Variants in CDH19 observed in about 807,000 individuals in gnomAD.
CDH19 encodes cadherin-19.
Under a neutral mutation model 64.2 loss-of-function variants are expected in CDH19, and 67 were observed. The ratio of observed to expected loss-of-function variants is 1.04; its 90% CI spans 0.86 to 1.28. The LOEUF (loss-of-function observed/expected upper bound fraction) is 1.28. Among genes scored for constraint, CDH19 ranks in the 50% most tolerant of loss-of-function variants. The pLI, the probability that CDH19 is intolerant of heterozygous loss-of-function variation, is 0.00. For synonymous variants in CDH19, 346 were observed against 319.3 expected (o/e 1.08, Z -0.89); for missense variants, 1,030 against 929.0 (o/e 1.11, Z -1.41).
At chr18:66,539,752 A>C (rs1367710180) in intron 7 of CDH19, among the ~76,000 whole-genome samples, 2 of 151,960 alleles carry the variant, frequency 1.3e-5, no homozygotes, top group East Asian at 1.9e-4. Flanking sequence ...AGGATATATC[A>C]GTGGCATCAA....
At chr18:66,573,703 A>C (rs1439601904) in intron 1 of CDH19, among the ~76,000 whole-genome samples, 1 of 151,574 alleles carries the variant, frequency 6.6e-6, no homozygotes, top group Non-Finnish European at 1.5e-5. Flanking sequence ...AGTGAATATA[A>C]TTTTTGGGAA....
chr18:66,535,916 TAA>T (rs1347968136), intron 7 of CDH19, among the ~76,000 whole-genome samples: 13 of 147,204 alleles, frequency 8.8e-5, no homozygotes, highest in African/African-American at 2.9e-4. Context: ...TTTTTACATA[TAA>T]TATATATGTT....
intron 9 of CDH19, among the ~76,000 whole-genome samples, chr18:66,521,783 G>T (rs999607846): frequency 2.0e-5 from 3 of 151,826 alleles, no homozygotes; most frequent in Non-Finnish European, 4.4e-5. Flanking sequence ...TCCTGGACTT[G>T]AGTGCTGCTC....
chr18:66,531,820 T>G (rs1178479560), intron 8 of CDH19, among the ~76,000 whole-genome samples: 1 of 152,088 alleles, frequency 6.6e-6, no homozygotes, highest in Admixed American at 6.6e-5. Context: ...ATAAATTACA[T>G]GAAGCAATTA....
At chr18:66,602,757 T>C (rs1378778408) in intron 1 of CDH19, among the ~76,000 whole-genome samples, 1 of 146,412 alleles carries the variant, frequency 6.8e-6, no homozygotes, top group Non-Finnish European at 1.5e-5. Flanking sequence ...TGACATAAAT[T>C]GATTGTTTAA....
intron 5 of CDH19, among the ~76,000 whole-genome samples, chr18:66,550,804 C>T (rs1045490094): frequency 9.2e-5 from 14 of 152,044 alleles, no homozygotes; most frequent in African/African-American, 3.4e-4. Flanking sequence ...GCAAGAAATG[C>T]CTCCCTGAAT....
chr18:66,580,100 C>A (rs76734654), intron 1 of CDH19, among the ~76,000 whole-genome samples: 2,687 of 152,002 alleles, frequency 0.018, 73 homozygotes, highest in African/African-American at 0.062. Flanking sequence ...CAAAAATATA[C>A]AGCAATTCGT....
intron 11 of CDH19, among the ~76,000 whole-genome samples, chr18:66,507,630 A>T (rs1985266506): frequency 6.6e-6 from 1 of 151,938 alleles, no homozygotes; most frequent in Non-Finnish European, 1.5e-5. Flanking sequence ...CAGTGATAGC[A>T]ATAGAAAAAA....
intron 1 of CDH19, among the ~76,000 whole-genome samples, chr18:66,578,774 C>T (rs1988339079): frequency 6.6e-6 from 1 of 151,776 alleles, no homozygotes; most frequent in Non-Finnish European, 1.5e-5. Flanking sequence ...AGTCAATGTA[C>T]TAAGAAAGTG....
intron 7 of CDH19, among the ~76,000 whole-genome samples, chr18:66,539,417 T>C (rs1306169983): frequency 6.6e-6 from 1 of 152,114 alleles, no homozygotes. Flanking sequence ...TTGTAGATAC[T>C]CTGTATCTGT....
chr18:66,577,664 A>G (rs1170987823), intron 1 of CDH19, among the ~76,000 whole-genome samples: 1 of 151,978 alleles, frequency 6.6e-6, no homozygotes, highest in Non-Finnish European at 1.5e-5. Context: ...AAATTGGACC[A>G]TATCAAAATG....
intron 3 of CDH19, among the ~76,000 whole-genome samples, chr18:66,561,019 A>C (rs1170265669): frequency 6.6e-6 from 1 of 152,080 alleles, no homozygotes; most frequent in Non-Finnish European, 1.5e-5. Flanking sequence ...ATTCTTCATA[A>C]GTATTTACAT....
chr18:66,530,969 C>T (rs1237481766), intron 8 of CDH19, among the ~76,000 whole-genome samples: 3 of 152,062 alleles, frequency 2.0e-5, no homozygotes, highest in African/African-American at 7.2e-5. Flanking sequence ...GCCGCGTTAT[C>T]ATAATGTTCA....
chr18:66,533,835 C>G (rs1248768637), intron 8 of CDH19, among the ~76,000 whole-genome samples: 2 of 151,874 alleles, frequency 1.3e-5, no homozygotes, highest in Non-Finnish European at 2.9e-5. Flanking sequence ...ATTTTTAAAA[C>G]AGTTTTATGT....
rs1434321641 is a variant in CDH19, at chr18:66,503,813, C to T, written c.*999G>A. 1 of 151,840 alleles carries T rather than the reference C, an allele frequency of 6.6e-6. No individual in the cohort carries two copies. The highest frequency in any genetic ancestry group is 1.5e-5 in the Non-Finnish European group (1 of 67,860). 9.4% of individuals were successfully genotyped at this position (151,840 alleles called of 1,614,324 possible). A position where few individuals can be genotyped will look rare whatever the true frequency, so the allele number is the denominator to read the frequency against. On this transcript the variant is annotated 3_prime_UTR_variant, in exon 12 of 12. Coordinates refer to ENST00000262150, the MANE Select transcript of CDH19 (RefSeq NM_021153.4). ...AATTTGAAATCAGTTTTAAAGAGTG[C>T]TCTTGGCAAAGTTTTAAAATATCAA...
intron 9 of CDH19, among the ~76,000 whole-genome samples, chr18:66,517,519 C>T (rs1368738737): frequency 1.3e-5 from 2 of 151,966 alleles, no homozygotes; most frequent in Middle Eastern, 3.2e-3. Context: ...TCTTCCCCAC[C>T]CTGGCCACTT....
Position 66,529,976 on chromosome 18 carries a change from G to T in CDH19, c.1337-10C>A. Reference sequence around the variant, plus strand: ...ATCTGTTCTATATTGTCTGCAATTTGAATATATATAATAAAAATCTAACAT... The same window carrying T: ...ATCTGTTCTATATTGTCTGCAATTTTAATATATATAATAAAAATCTAACAT... On this transcript the variant is annotated splice_polypyrimidine_tract_variant and intron_variant, in intron 8 of 11. Transcript: ENST00000262150. 4 of 1,405,694 alleles carry T rather than the reference G, an allele frequency of 2.8e-6. No homozygotes were observed. The highest frequency in any genetic ancestry group is 3.9e-6 in the Non-Finnish European group (4 of 1,034,440). 87.1% of individuals were successfully genotyped at this position (1,405,694 alleles called of 1,614,324 possible).
chr18:66,593,189 A>G (rs1024812185), intron 1 of CDH19, among the ~76,000 whole-genome samples: 2 of 151,802 alleles, frequency 1.3e-5, no homozygotes, highest in African/African-American at 4.8e-5. Flanking sequence ...TATTGGCCTT[A>G]GTTCATAAAT....
At chr18:66,509,796 A>T (rs776345618) in intron 10 of CDH19, among the ~76,000 whole-genome samples, 8 of 151,866 alleles carry the variant, frequency 5.3e-5, no homozygotes, top group Non-Finnish European at 4.4e-5. Context: ...ATCAAAGCAC[A>T]TGATCTCAAA....
Sources: allele counts gnomAD v4.1 joint callset (sites outside exome capture counted in the v4.1 genomes callset), GRCh38; gene constraint gnomAD v4.1.1; transcripts MANE v1.5; gene names NCBI Gene and HGNC (gene_info 2026-07-23, HGNC 2026-07-21).